Variants in ABCB4 observed in about 807,000 individuals in gnomAD.
The protein encoded by ABCB4 is ATP binding cassette subfamily B member 4, also known as phosphatidylcholine translocator ABCB4.
Under a neutral mutation model 145.7 loss-of-function variants are expected in ABCB4, and 76 were observed. The ratio of observed to expected loss-of-function variants is 0.52; its 90% CI spans 0.43 to 0.63. ABCB4 has a LOEUF of 0.63. Ranked by LOEUF, ABCB4 falls within the 30% of genes least tolerant of loss-of-function variation. The probability of loss-of-function intolerance (pLI) is 0.00; values close to 1 mark genes in which losing one functional copy is unlikely to be tolerated. For missense variants in ABCB4, 1,234 were observed against 1,553.1 expected, an observed-to-expected ratio of 0.79 and a Z score of 3.45; for synonymous variants, 517 against 566.8, an observed-to-expected ratio of 0.91 and a Z score of 1.25.
intron 4 of ABCB4, among the ~76,000 whole-genome samples, chr7:87,454,853 C>T (rs959941725): frequency 7.2e-5 from 11 of 152,312 alleles, no homozygotes; most frequent in African/African-American, 1.7e-4. Context: ...TTCCCCCATC[C>T]TGGCGGTCTC....
At chr7:87,366,406 C>T in the ABCB4 span, among the ~76,000 whole-genome samples, 3 of 152,214 alleles carry the variant, frequency 2.0e-5, no homozygotes, top group East Asian at 5.8e-4. Flanking sequence ...GTTGCAGTGA[C>T]TTTCCTCCTG....
At chr7:87,378,995 A>G in the ABCB4 span, among the ~76,000 whole-genome samples, 3 of 152,208 alleles carry the variant, frequency 2.0e-5, no homozygotes, top group Non-Finnish European at 4.4e-5. Flanking sequence ...CTTTGAGTCT[A>G]CTGTTGACAG....
Position 87,454,446 on chromosome 7 carries a change from T to C in ABCB4, c.344+89A>G. ...ATAATAGGTGAATCTGGGTAAAGAG[T>C]ACACGTTATTTGTATATTCTTATAA... On this transcript the variant is annotated intron_variant, in intron 5 of 27. Coordinates refer to ENST00000649586, the MANE Select transcript of ABCB4 (RefSeq NM_000443.4). 5 of 1,061,644 alleles carry C rather than the reference T, an allele frequency of 4.7e-6. No homozygotes were observed. The South Asian group carries it at 7.2e-5, about 15-fold the overall frequency. 65.8% of individuals were successfully genotyped at this position (1,061,644 alleles called of 1,614,324 possible).
rs1258979843 is a variant in ABCB4 at position 87,473,092 on chromosome 7, C to G, written c.81-417G>C. Reference sequence around the variant, plus strand: ...TCAAAGTACATCTAGAATTTAACCACTTATCACCAGTTTCATTGCTGTCAC... The same window carrying G: ...TCAAAGTACATCTAGAATTTAACCAGTTATCACCAGTTTCATTGCTGTCAC... On this transcript the variant is annotated intron_variant, in intron 2 of 27. Coordinates refer to ENST00000649586, the MANE Select transcript of ABCB4 (RefSeq NM_000443.4). Among the ~76,000 whole-genome samples the G allele has an allele frequency of 5.3e-5, 8 of 152,224 alleles. No individual in the cohort carries two copies. In the South Asian group the frequency reaches 1.7e-3, roughly 32 times the overall value.
chr7:87,395,272 T>G, the ABCB4 span, among the ~76,000 whole-genome samples: 3 of 150,360 alleles, frequency 2.0e-5, no homozygotes, highest in Non-Finnish European at 4.5e-5. Context: ...CTTTTCAGGT[T>G]TTTCTGCCTG....
At chr7:87,378,362 A>AAG in the ABCB4 span, among the ~76,000 whole-genome samples, 3 of 150,388 alleles carry the variant, frequency 2.0e-5, no homozygotes, top group African/African-American at 4.9e-5. Context: ...AAAAAAAAAA[A>AAG]GGGTTCAGTA....
intron 15 of ABCB4, among the ~76,000 whole-genome samples, chr7:87,428,595 T>C (rs975557131): frequency 6.6e-6 from 1 of 151,814 alleles, no homozygotes; most frequent in Non-Finnish European, 1.5e-5. Flanking sequence ...GAAAAAAAAA[T>C]CTCTCCAATA....
In ABCB4 at chr7:87,444,584, C is replaced by T. The variant is rs189127879; in HGVS notation, c.1119+278G>A. 2.9e-3 allele frequency among the ~76,000 whole-genome samples: 447 copies of T among 152,160 alleles called. 3 individuals carry two copies. The highest frequency in any genetic ancestry group is 0.01 in the African/African-American group (423 of 41,536). ...AACATGAAAGTGAAAAAGATAAAAA[C>T]TAGGAAGAGAAACGTCTTTGCTCTG... On this transcript the variant is annotated intron_variant, in intron 10 of 27. Transcript: ENST00000649586.
chr7:87,369,867 T>C, the ABCB4 span, among the ~76,000 whole-genome samples: 26 of 148,836 alleles, frequency 1.7e-4, no homozygotes, highest in Admixed American at 4.7e-4. Flanking sequence ...ATATATATGG[T>C]ATACATCTTC....
the ABCB4 span, among the ~76,000 whole-genome samples, chr7:87,368,703 A>C: frequency 6.6e-6 from 1 of 152,128 alleles, no homozygotes; most frequent in African/African-American, 2.4e-5. Flanking sequence ...TTTTCTTAGA[A>C]GGTAGGGGCA....
At chr7:87,444,697 T>G (rs1811227952) in intron 10 of ABCB4, among the ~76,000 whole-genome samples, 165 bp downstream of exon 10, 1 of 152,222 alleles carries the variant, frequency 6.6e-6, no homozygotes, top group Admixed American at 6.5e-5. Flanking sequence ...AAGAGGTATT[T>G]TCTTTCATTT....
chr7:87,370,972 T>G, the ABCB4 span, among the ~76,000 whole-genome samples: 1 of 152,182 alleles, frequency 6.6e-6, no homozygotes, highest in East Asian at 1.9e-4. Flanking sequence ...GGGTAAGAGT[T>G]CTTACTTGGT....
the ABCB4 span, chr7:87,392,418 G>C: frequency 3.1e-6 from 2 of 650,484 alleles, no homozygotes; most frequent in Non-Finnish European, 5.4e-6. Context: ...ATAACTGATG[G>C]AAAGATATAG....
chr7:87,401,251 AGAACT>A (rs1807767869), downstream of ABCB4, among the ~76,000 whole-genome samples: 1 of 152,254 alleles, frequency 6.6e-6, no homozygotes, highest in African/African-American at 2.4e-5. Flanking sequence ...TAGAGCGCTA[AGAACT>A]AATTTGTTGC....
the ABCB4 span, among the ~76,000 whole-genome samples, chr7:87,387,670 G>T: frequency 6.6e-6 from 1 of 152,148 alleles, no homozygotes; most frequent in Non-Finnish European, 1.5e-5. Flanking sequence ...ATCATAAGGA[G>T]GCTGGGCATG....
At chr7:87,414,567 T>C (rs1808841176) in intron 21 of ABCB4, among the ~76,000 whole-genome samples, 1 of 152,224 alleles carries the variant, frequency 6.6e-6, no homozygotes, top group African/African-American at 2.4e-5. Flanking sequence ...ATGTTGATTG[T>C]CTGTGACTTA....
intron 22 of ABCB4, 61 bp downstream of exon 22, chr7:87,413,556 G>A: frequency 9.4e-7 from 1 of 1,069,114 alleles, no homozygotes; most frequent in Non-Finnish European, 1.5e-6. Context: ...TATCTTTTTG[G>A]GACAATAATT....
intron 15 of ABCB4, among the ~76,000 whole-genome samples, chr7:87,429,066 T>C (rs1462513771): frequency 6.6e-6 from 1 of 152,160 alleles, no homozygotes; most frequent in East Asian, 1.9e-4. Flanking sequence ...CAAGGGTGAA[T>C]GAAAACCAGG....
rs2116683991 is a variant in ABCB4 at position 87,439,681 on chromosome 7, C to T, written c.1717G>A (p.Ala573Thr). 2 of 1,614,162 alleles carry T rather than the reference C, an allele frequency of 1.2e-6. No homozygotes were observed. The highest frequency in any genetic ancestry group is 1.7e-6 in the Non-Finnish European group (2 of 1,180,026). ...LDTESEAEVQ[A>T]ALDKAREGRT... ...AGTCTACTGACCTTATCCAGAGCTG[C>T]CTGTACCTCAGCTTCACTTTCTGTG... Residue 573 changes from alanine (A) to threonine (T), a missense_variant, in exon 14 of 28, where the codon GCA becomes ACA. By Grantham distance (58) the Ala-to-Thr change is moderately conservative. This residue lies in a region of ABCB4 where 467 missense variants were observed against 632.8 expected (regional missense o/e 0.74). Coordinates refer to ENST00000649586, the MANE Select transcript of ABCB4 (RefSeq NM_000443.4).
Sources: allele counts gnomAD v4.1 joint callset (sites outside exome capture counted in the v4.1 genomes callset), GRCh38; gene constraint gnomAD v4.1.1; regional missense constraint gnomAD v4.1.1; transcripts MANE v1.5; gene names NCBI Gene and HGNC (gene_info 2026-07-23, HGNC 2026-07-21).